Variants in RAB2A observed in about 807,000 individuals in gnomAD.
RAB2A encodes the protein RAB2A, member RAS oncogene family, also known as ras-related protein Rab-2A.
A neutral mutation model predicts 32.5 loss-of-function variants in RAB2A; 7 were observed. The observed-to-expected ratio is 0.22, with a 90% CI of 0.12 to 0.40. RAB2A has a LOEUF of 0.40. RAB2A is among the 10% of genes least tolerant of loss of function. The pLI is 1.00. For synonymous variants in RAB2A, 79 were observed against 85.2 expected, an observed-to-expected ratio of 0.93 and a Z score of 0.40; for missense variants, 108 against 260.7, an observed-to-expected ratio of 0.41 and a Z score of 4.03.
At position 60,606,852 on chromosome 8, in the gene RAB2A, T is replaced by C. The variant is rs1206875585; in HGVS notation, c.475-11728T>C. Among the ~76,000 whole-genome samples the C allele has an allele frequency of 3.9e-5, 6 of 152,356 alleles. No individual in the cohort carries two copies. The East Asian group carries it at 1.2e-3, about 29-fold the overall frequency. On this transcript the variant is annotated intron_variant, in intron 6 of 7. Coordinates refer to ENST00000262646, the MANE Select transcript of RAB2A (RefSeq NM_002865.3). Reference sequence around the variant, plus strand: ...CAGGTGGTGGGGCCGTGGCCTGACCTACAAAACTGTTCTTCCCTCTTAGGG... The same window carrying C: ...CAGGTGGTGGGGCCGTGGCCTGACCCACAAAACTGTTCTTCCCTCTTAGGG...
chr8:60,526,035 A>ATATG (rs1260191769), intron 1 of RAB2A, among the ~76,000 whole-genome samples: 3 of 121,434 alleles, frequency 2.5e-5, no homozygotes, highest in African/African-American at 9.3e-5. Flanking sequence ...ATATATATAT[A>ATATG]TATATATATA....
intron 3 of RAB2A, among the ~76,000 whole-genome samples, chr8:60,574,614 T>A (rs1173851706): frequency 1.3e-5 from 2 of 152,202 alleles, no homozygotes; most frequent in African/African-American, 4.8e-5. Flanking sequence ...CCTTAAATAA[T>A]CTTTGTTTTT....
At chr8:60,522,845 C>T (rs903937873) in intron 1 of RAB2A, among the ~76,000 whole-genome samples, 1 of 151,826 alleles carries the variant, frequency 6.6e-6, no homozygotes, top group African/African-American at 2.4e-5. Flanking sequence ...TTGTGAATCA[C>T]TGGAGTGTTT....
At chr8:60,558,784 T>C (rs761952380) in intron 1 of RAB2A, 68 bp from the exon 2 acceptor site, 3 of 1,341,724 alleles carry the variant, frequency 2.2e-6, no homozygotes, top group Non-Finnish European at 3.2e-6. Flanking sequence ...CTCTTTTCCA[T>C]GTCCTTTTTG....
At chr8:60,535,110 T>C (rs564003842) in intron 1 of RAB2A, among the ~76,000 whole-genome samples, 93 of 152,242 alleles carry the variant, frequency 6.1e-4, no homozygotes, top group African/African-American at 2.1e-3. Flanking sequence ...TAGACACAGG[T>C]AGGAGAAAGA....
intron 1 of RAB2A, among the ~76,000 whole-genome samples, chr8:60,534,663 C>T (rs547190557): frequency 6.6e-6 from 1 of 152,160 alleles, no homozygotes; most frequent in South Asian, 2.1e-4. Context: ...TGACTTTATA[C>T]CAGGAGTGAT....
At chr8:60,561,696 C>G (rs1808028220) in intron 2 of RAB2A, among the ~76,000 whole-genome samples, 1 of 152,212 alleles carries the variant, frequency 6.6e-6, no homozygotes, top group Non-Finnish European at 1.5e-5. Flanking sequence ...GACGAGAGTT[C>G]ATTGGCTCAA....
At chr8:60,601,295 AAAT>A (rs147388072) in intron 6 of RAB2A, among the ~76,000 whole-genome samples, 11,600 of 152,160 alleles carry the variant, frequency 0.076, 1,344 homozygotes, top group African/African-American at 0.25. Flanking sequence ...TATGCCTAGC[AAAT>A]AATAATTAAT....
At chr8:60,612,340 T>G (rs1269604179) in intron 6 of RAB2A, among the ~76,000 whole-genome samples, 3 of 152,240 alleles carry the variant, frequency 2.0e-5, no homozygotes, top group African/African-American at 7.2e-5. Context: ...TAAGATGTGT[T>G]TAGGCTCCCT....
Position 60,620,822 on chromosome 8 carries a change from C to T in RAB2A, c.*53C>T. On this transcript the variant is annotated 3_prime_UTR_variant, in exon 8 of 8. Coordinates refer to ENST00000262646, the MANE Select transcript of RAB2A (RefSeq NM_002865.3). Reference sequence around the variant, plus strand: ...CGGGGCCTACTCACTTATTCTTTCACCCCCTCTCCTCCTGCTCAGCTGAGA... The same window carrying T: ...CGGGGCCTACTCACTTATTCTTTCATCCCCTCTCCTCCTGCTCAGCTGAGA... The T allele has an allele frequency of 6.9e-7, 1 of 1,452,026 alleles. No homozygotes were observed. The highest frequency in any genetic ancestry group is 9.4e-7 in the Non-Finnish European group (1 of 1,062,468). The allele number at this position is 1,452,026 out of a possible 1,614,324, so 89.9% of individuals were successfully genotyped here.
At chr8:60,604,386 C>G (rs1804190666) in intron 6 of RAB2A, among the ~76,000 whole-genome samples, 1 of 152,078 alleles carries the variant, frequency 6.6e-6, no homozygotes, top group African/African-American at 2.4e-5. Context: ...AGGAGTGGGG[C>G]TTTGTTATAA....
intron 3 of RAB2A, 200 bp from the exon 4 acceptor site, chr8:60,584,008 T>C: frequency 2.1e-6 from 1 of 482,186 alleles, no homozygotes. Context: ...ACATGTGCAC[T>C]ACATGTGCGT....
rs892102139 is a variant in RAB2A at position 60,621,568 on chromosome 8, T to C, written c.*799T>C. ...AATACTGTTGGGAAAAAACACAGTA[T>C]AATGAGTGAAAAGGGCAGAAGCAAG... On this transcript the variant is annotated 3_prime_UTR_variant, in exon 8 of 8. Transcript: ENST00000262646. The C allele has an allele frequency of 6.6e-6, 1 of 152,196 alleles. No homozygotes were observed. The highest frequency in any genetic ancestry group is 1.5e-5 in the Non-Finnish European group (1 of 68,024). 9.4% of individuals were successfully genotyped at this position (152,196 alleles called of 1,614,324 possible).
intron 7 of RAB2A, chr8:60,619,126 G>A (rs1238141797): frequency 6.7e-6 from 1 of 149,838 alleles, no homozygotes; most frequent in Admixed American, 6.6e-5. Context: ...CATGTTTTCA[G>A]GAGACTAAAT....
intron 3 of RAB2A, among the ~76,000 whole-genome samples, chr8:60,583,704 A>C (rs79668689): frequency 6.6e-6 from 1 of 152,342 alleles, no homozygotes; most frequent in South Asian, 2.1e-4. Flanking sequence ...CCTTCCAACA[A>C]CCTTTACACC....
chr8:60,534,052 TGTCCCACC>T (rs1807521516), intron 1 of RAB2A, among the ~76,000 whole-genome samples: 1 of 152,158 alleles, frequency 6.6e-6, no homozygotes, highest in Non-Finnish European at 1.5e-5. Context: ...AAATGAAGAC[TGTCCCACC>T]CTACAGAGAA....
At chr8:60,596,277 C>G (rs1431619111) in intron 6 of RAB2A, among the ~76,000 whole-genome samples, 1 of 152,128 alleles carries the variant, frequency 6.6e-6, no homozygotes, top group African/African-American at 2.4e-5. Flanking sequence ...GCAATGGTAA[C>G]AAAAGCCAAA....
chr8:60,575,689 C>T (rs1803600660), intron 3 of RAB2A, among the ~76,000 whole-genome samples: 5 of 129,096 alleles, frequency 3.9e-5, no homozygotes, highest in Non-Finnish European at 7.9e-5. Context: ...CGGTGTTTCA[C>T]TCTTGCTGCC....
intron 1 of RAB2A, among the ~76,000 whole-genome samples, chr8:60,551,795 GC>G (rs1222304400): frequency 6.6e-6 from 1 of 151,068 alleles, no homozygotes; most frequent in Non-Finnish European, 1.5e-5. Context: ...CTAGGTTCAA[GC>G]AATCCTCTGT....
Sources: gnomAD v4.1 joint callset for allele counts (sites outside exome capture counted in the v4.1 genomes callset) on GRCh38, gnomAD v4.1.1 for gene constraint, MANE v1.5 for transcripts, NCBI Gene and HGNC (gene_info 2026-07-23, HGNC 2026-07-21) for gene names.